The following NDC1 variants were observed in gnomAD, a reference collection of about 807,000 sequenced individuals.
NDC1 encodes the protein NDC1 transmembrane nucleoporin, also known as nucleoporin NDC1.
A neutral mutation model predicts 89.8 loss-of-function variants in NDC1; 24 were observed. That is an observed-to-expected ratio of 0.27 (90% CI 0.19 to 0.38). The LOEUF (loss-of-function observed/expected upper bound fraction) is 0.38. NDC1 is among the 10% of genes least tolerant of loss of function. The pLI is 1.00. For missense variants in NDC1, 728 were observed against 797.6 expected, an observed-to-expected ratio of 0.91 and a Z score of 1.05; for synonymous variants, 296 against 284.8, an observed-to-expected ratio of 1.04 and a Z score of -0.39.
chr1:53,806,888 C>G (rs1648126570), intron 8 of NDC1, among the ~76,000 whole-genome samples: 1 of 152,068 alleles, frequency 6.6e-6, no homozygotes, highest in Non-Finnish European at 1.5e-5. Context: ...TGGGAATTAT[C>G]CAGAAGCTCA....
In NDC1 at chr1:53,767,556, G is replaced by C. The variant is rs963671283; in HGVS notation, c.*414C>G. 6.5e-6 allele frequency: 1 copy of C among 153,500 alleles called. No homozygotes were observed. Among genetic ancestry groups the C allele is most frequent in the Non-Finnish European group, 1.4e-5 (1 of 69,032 alleles). The allele number at this position is 153,500 out of a possible 1,614,324, so 9.5% of individuals were successfully genotyped here. On this transcript the variant is annotated 3_prime_UTR_variant, in exon 18 of 18. Coordinates refer to ENST00000371429, the MANE Select transcript of NDC1 (RefSeq NM_018087.5). ...TACACTTAAAAAGTTTATGTATTTTGAGTTTACAAAGAGCTAAACTCTTAA... is the reference window on the plus strand; with the variant it reads ...TACACTTAAAAAGTTTATGTATTTTCAGTTTACAAAGAGCTAAACTCTTAA...
At chr1:53,833,220 T>A (rs1010952514) in intron 2 of NDC1, among the ~76,000 whole-genome samples, 5 of 152,142 alleles carry the variant, frequency 3.3e-5, no homozygotes, top group African/African-American at 1.2e-4. Context: ...TGGAGTGTAG[T>A]GGCTCAATCT....
intron 16 of NDC1, among the ~76,000 whole-genome samples, chr1:53,786,226 T>A (rs1647305232): frequency 6.6e-6 from 1 of 152,134 alleles, no homozygotes; most frequent in Non-Finnish European, 1.5e-5. Context: ...GCACCCGGCC[T>A]CCAGATGCCA....
chr1:53,829,638 A>G (rs1648986841), intron 3 of NDC1, among the ~76,000 whole-genome samples: 1 of 152,248 alleles, frequency 6.6e-6, no homozygotes, highest in Admixed American at 6.5e-5. Flanking sequence ...TGCATGGCAT[A>G]TAGTAAATGC....
At position 53,767,921 on chromosome 1, in the gene NDC1, C is replaced by T; in HGVS notation, c.*49G>A. 1 of 1,126,380 alleles carries T rather than the reference C, an allele frequency of 8.9e-7. No individual in the cohort carries two copies. The highest frequency in any genetic ancestry group is 2.5e-5 in the East Asian group (1 of 39,542). 69.8% of individuals were successfully genotyped at this position (1,126,380 alleles called of 1,614,324 possible). A position where few individuals can be genotyped will look rare whatever the true frequency, so the allele number is the denominator to read the frequency against. ...CAAGAATGCTGAACATTTACTGTCC[C>T]ATCTGTAGTTGTATCAGCAGTGTAA... On this transcript the variant is annotated 3_prime_UTR_variant, in exon 18 of 18. Transcript: ENST00000371429.
Position 53,789,210 on chromosome 1 carries a change from C to T in NDC1, c.1636-14G>A. ...GGCCTCTGGGTGCTACAAATAAAAA[C>T]AAAAACATTCAAGTGAATTCCCCTG... On this transcript the variant is annotated splice_polypyrimidine_tract_variant and intron_variant, in intron 14 of 17. Transcript: ENST00000371429. The T allele has an allele frequency of 6.3e-7, 1 of 1,580,666 alleles. No individual in the cohort carries two copies.
At chr1:53,797,379 C>A (rs796990744) in intron 11 of NDC1, among the ~76,000 whole-genome samples, 2 of 152,042 alleles carry the variant, frequency 1.3e-5, no homozygotes, top group Non-Finnish European at 2.9e-5. Flanking sequence ...CTCTTTTTCC[C>A]CCCCCATGAA....
chr1:53,834,726 G>A (rs1211737336), intron 2 of NDC1, among the ~76,000 whole-genome samples: 2 of 152,092 alleles, frequency 1.3e-5, no homozygotes, highest in Admixed American at 6.6e-5. Flanking sequence ...GCTGGCACAC[G>A]GTAAACAGGC....
chr1:53,778,536 T>C (rs1476714486), intron 16 of NDC1, among the ~76,000 whole-genome samples: 2 of 152,028 alleles, frequency 1.3e-5, no homozygotes, highest in African/African-American at 4.8e-5. Flanking sequence ...GAGGATCGCT[T>C]GAGCCTGGGA....
intron 10 of NDC1, among the ~76,000 whole-genome samples, chr1:53,801,069 C>T (rs1314830185): frequency 1.4e-5 from 2 of 147,864 alleles, no homozygotes; most frequent in South Asian, 4.3e-4. Flanking sequence ...CAAAAACTTG[C>T]TATTTTACCA....
chr1:53,834,402 C>G (rs1232135241), intron 2 of NDC1, among the ~76,000 whole-genome samples: 2 of 152,194 alleles, frequency 1.3e-5, no homozygotes, highest in African/African-American at 4.8e-5. Context: ...TTCACCTGAC[C>G]AGTGGGACCT....
Position 53,767,530 on chromosome 1 carries a change from C to A in NDC1, c.*440G>T, listed in dbSNP as rs2100610798. On this transcript the variant is annotated 3_prime_UTR_variant, in exon 18 of 18. Coordinates refer to ENST00000371429, the MANE Select transcript of NDC1 (RefSeq NM_018087.5). The stretch of plus-strand genomic sequence containing the variant: ...CATTTTTATCCTTCAGTAAATGAAA[C>A]TACACTTAAAAAGTTTATGTATTTT... The A allele has an allele frequency of 6.6e-6, 1 of 152,650 alleles. No homozygotes were observed. Among genetic ancestry groups the A allele is most frequent in the Middle Eastern group, 3.4e-3 (1 of 294 alleles). The allele number at this position is 152,650 out of a possible 1,614,324, so 9.5% of individuals were successfully genotyped here. A position where few individuals can be genotyped will look rare whatever the true frequency, so the allele number is the denominator to read the frequency against.
intron 9 of NDC1, among the ~76,000 whole-genome samples, chr1:53,804,466 T>C (rs1156703055): frequency 6.6e-6 from 1 of 152,168 alleles, no homozygotes; most frequent in Non-Finnish European, 1.5e-5. Flanking sequence ...GCCTAGCACG[T>C]GATACCTAAT....
chr1:53,809,518 A>AT (rs1648231280), intron 7 of NDC1, among the ~76,000 whole-genome samples, 177 bp downstream of exon 7: 1 of 152,170 alleles, frequency 6.6e-6, no homozygotes, highest in South Asian at 2.1e-4. Context: ...AGTCCTGCTA[A>AT]TTTTACCCTT....
At chr1:53,772,959 C>G (rs1042565706) in intron 16 of NDC1, among the ~76,000 whole-genome samples, 33 of 152,010 alleles carry the variant, frequency 2.2e-4, no homozygotes, top group Non-Finnish European at 4.1e-4. Flanking sequence ...CCAGGCCCCC[C>G]CCAAAATCCA....
At chr1:53,832,963 G>C (rs1397664476) in intron 2 of NDC1, among the ~76,000 whole-genome samples, 1 of 152,080 alleles carries the variant, frequency 6.6e-6, no homozygotes, top group Non-Finnish European at 1.5e-5. Flanking sequence ...AGTGAGCAGT[G>C]ATCATGCCAC....
intron 10 of NDC1, among the ~76,000 whole-genome samples, chr1:53,801,318 T>C (rs1459934442): frequency 1.3e-5 from 2 of 152,194 alleles, no homozygotes; most frequent in Non-Finnish European, 2.9e-5. Context: ...CTGGGCTTCC[T>C]TACATTTTCA....
At chr1:53,806,142 T>G (rs1293245890) in intron 9 of NDC1, among the ~76,000 whole-genome samples, 1 of 152,264 alleles carries the variant, frequency 6.6e-6, no homozygotes, top group African/African-American at 2.4e-5. Context: ...ATGTAGATGA[T>G]TGCATATCAC....
At chr1:53,793,374 G>A in intron 13 of NDC1, 95 bp from the exon 14 acceptor site, 1 of 974,842 alleles carries the variant, frequency 1.0e-6, no homozygotes, top group Admixed American at 2.0e-5. Context: ...TAACTTAAAT[G>A]AAAAAATGAA....
Sources: gnomAD v4.1 joint callset for allele counts (sites outside exome capture counted in the v4.1 genomes callset) on GRCh38, gnomAD v4.1.1 for gene constraint, MANE v1.5 for transcripts, NCBI Gene and HGNC (gene_info 2026-07-23, HGNC 2026-07-21) for gene names.